DLGAP1: variants seen among roughly 807,000 people sequenced by gnomAD.
The protein encoded by DLGAP1 is DLG associated protein 1, also known as disks large-associated protein 1.
Under a neutral mutation model 90.8 loss-of-function variants are expected in DLGAP1, and 11 were observed. The observed-to-expected ratio is 0.12, with a 90% CI of 0.08 to 0.20. The LOEUF is 0.20. Among genes scored for constraint, DLGAP1 ranks in the 10% least tolerant of loss-of-function variants. DLGAP1 has a pLI of 1.00. For synonymous variants in DLGAP1, 558 were observed against 540.7 expected (o/e 1.03, Z -0.44); for missense variants, 1,050 against 1,333.8 (o/e 0.79, Z 3.31).
intron 1 of DLGAP1, among the ~76,000 whole-genome samples, chr18:4,163,218 C>T (rs184131326): frequency 3.3e-5 from 5 of 152,310 alleles, no homozygotes; most frequent in Admixed American, 3.3e-4. Context: ...TACATATACC[C>T]ACTCTTCAGT....
intron 4 of DLGAP1, among the ~76,000 whole-genome samples, chr18:3,859,980 T>C (rs536441948): frequency 1.3e-5 from 2 of 152,054 alleles, no homozygotes; most frequent in East Asian, 3.9e-4. Context: ...GCATCTGTAG[T>C]CCCAGCTACT....
intron 2 of DLGAP1, among the ~76,000 whole-genome samples, chr18:4,056,857 AC>A (rs2075224548): frequency 6.6e-6 from 1 of 152,178 alleles, no homozygotes; most frequent in Non-Finnish European, 1.5e-5. Context: ...TGAATCTAAG[AC>A]CAATGCACTT....
intron 1 of DLGAP1, among the ~76,000 whole-genome samples, chr18:4,351,378 T>C (rs947222119): frequency 5.9e-5 from 9 of 152,186 alleles, no homozygotes; most frequent in Admixed American, 1.3e-4. Flanking sequence ...TTTATAAAAA[T>C]AGCTATACTT....
At chr18:3,637,740 C>T (rs1037736714) in intron 7 of DLGAP1, among the ~76,000 whole-genome samples, 3 of 151,710 alleles carry the variant, frequency 2.0e-5, no homozygotes, top group Non-Finnish European at 4.4e-5. Context: ...AAGTGAGATA[C>T]TGTCTCAAAA....
intron 7 of DLGAP1, among the ~76,000 whole-genome samples, chr18:3,712,740 A>C (rs554368754): frequency 1.3e-3 from 195 of 152,322 alleles, no homozygotes; most frequent in Middle Eastern, 3.4e-3. Flanking sequence ...CCCACAGTGC[A>C]TATGGGAAAA....
At chr18:3,841,017 T>C (rs1446798479) in intron 4 of DLGAP1, among the ~76,000 whole-genome samples, 1 of 152,230 alleles carries the variant, frequency 6.6e-6, no homozygotes, top group Non-Finnish European at 1.5e-5. Context: ...GTCTCTTCTC[T>C]AGCTGTACTT....
intron 5 of DLGAP1, among the ~76,000 whole-genome samples, chr18:3,746,838 A>T (rs1282910098): frequency 6.6e-6 from 1 of 152,232 alleles, no homozygotes; most frequent in African/African-American, 2.4e-5. Flanking sequence ...TATTCCCTAT[A>T]TTCTAAGTGT....
intron 2 of DLGAP1, among the ~76,000 whole-genome samples, chr18:4,082,252 G>A (rs1056189814): frequency 6.8e-6 from 1 of 147,660 alleles, no homozygotes; most frequent in African/African-American, 2.5e-5. Context: ...TGAGGCAGGA[G>A]AATTCCTTGA....
Position 4,029,563 on chromosome 18 carries a change from C to T in DLGAP1, c.-158-24362G>A, listed in dbSNP as rs1266315765. Among the ~76,000 whole-genome samples, 3 of 152,148 alleles carry T rather than the reference C, an allele frequency of 2.0e-5. No individual in the cohort carries two copies. In the East Asian group the frequency reaches 5.8e-4, roughly 29 times the overall value. On this transcript the variant is annotated intron_variant, in intron 2 of 12. Coordinates refer to ENST00000315677, the MANE Select transcript of DLGAP1 (RefSeq NM_004746.4). ...AAGAAACTCTGAAATGATTCCATTT[C>T]CCAGGCCTATCCTTGTATTTTATAC...
Position 3,499,508 on chromosome 18 carries a change from C to G in DLGAP1, c.2725-114G>C. On this transcript the variant is annotated intron_variant, in intron 12 of 12. Coordinates refer to ENST00000315677, the MANE Select transcript of DLGAP1 (RefSeq NM_004746.4). The surrounding 1 kb of genome is among the most constrained non-coding windows in gnomAD (Gnocchi z 6.4). ...GTTTTTTACCTAGGGGTGGTTAGTT[C>G]TGATCTGCACACTGCATATCTACTT... 1.9e-6 allele frequency: 2 copies of G among 1,026,010 alleles called. No individual in the cohort carries two copies. The highest frequency in any genetic ancestry group is 2.8e-6 in the Non-Finnish European group (2 of 707,720). The allele number at this position is 1,026,010 out of a possible 1,614,324, so 63.6% of individuals were successfully genotyped here. A position where few individuals can be genotyped will look rare whatever the true frequency, so the allele number is the denominator to read the frequency against.
At chr18:3,741,535 A>T (rs1003273146) in intron 6 of DLGAP1, among the ~76,000 whole-genome samples, 1 of 150,778 alleles carries the variant, frequency 6.6e-6, no homozygotes, top group Non-Finnish European at 1.5e-5. Flanking sequence ...TACCAACACC[A>T]TCACCAACAT....
At chr18:4,351,582 G>A (rs2081403575) in intron 1 of DLGAP1, among the ~76,000 whole-genome samples, 1 of 152,004 alleles carries the variant, frequency 6.6e-6, no homozygotes, top group South Asian at 2.1e-4. Context: ...TGAATCCATG[G>A]CACGTGAAAA....
Position 4,315,288 on chromosome 18 carries a change from T to A in DLGAP1, c.-267+139718A>T, listed in dbSNP as rs564034417. On this transcript the variant is annotated intron_variant, in intron 1 of 12. Coordinates refer to ENST00000315677, the MANE Select transcript of DLGAP1 (RefSeq NM_004746.4). ...TATGGCAGGTAGGATGTAAATTGAT[T>A]ATTATTGTTATTACTATCTATACAC... is the stretch of plus-strand genomic sequence containing the variant. Among the ~76,000 whole-genome samples, 11 of 152,306 alleles carry A rather than the reference T, an allele frequency of 7.2e-5. No individual in the cohort carries two copies. In the East Asian group the frequency reaches 2.1e-3, roughly 29 times the overall value.
At chr18:3,808,434 T>A (rs1206985031) in intron 5 of DLGAP1, among the ~76,000 whole-genome samples, 2 of 152,206 alleles carry the variant, frequency 1.3e-5, no homozygotes, top group Non-Finnish European at 2.9e-5. Context: ...ATATCACTGA[T>A]CACTGAGGAC....
At chr18:3,850,800 T>G (rs890596553) in intron 4 of DLGAP1, among the ~76,000 whole-genome samples, 1 of 152,220 alleles carries the variant, frequency 6.6e-6, no homozygotes, top group African/African-American at 2.4e-5. Flanking sequence ...AAGCTGACTG[T>G]GCTTTATTTT....
At chr18:4,045,612 A>C (rs1568367435) in intron 2 of DLGAP1, among the ~76,000 whole-genome samples, 1 of 151,620 alleles carries the variant, frequency 6.6e-6, no homozygotes, top group African/African-American at 2.4e-5. Flanking sequence ...CAAACAAACA[A>C]ACAAACAAAA....
chr18:3,698,135 A>G (rs1014913732), intron 7 of DLGAP1, among the ~76,000 whole-genome samples: 1 of 152,072 alleles, frequency 6.6e-6, no homozygotes, highest in African/African-American at 2.4e-5. Context: ...TTGACTCTTT[A>G]TCCAATTTGC....
chr18:4,137,365 A>G (rs1607965), intron 2 of DLGAP1, among the ~76,000 whole-genome samples: 21,523 of 152,186 alleles, frequency 0.14, 1,885 homozygotes, highest in Middle Eastern at 0.24. Flanking sequence ...TCCCAGCACC[A>G]TTTATTGAAG....
chr18:3,781,338 G>A (rs1485788662), intron 5 of DLGAP1, among the ~76,000 whole-genome samples: 1 of 150,318 alleles, frequency 6.7e-6, no homozygotes, highest in Non-Finnish European at 1.5e-5. Flanking sequence ...GACAGAAATT[G>A]TAGCAGCTTT....
Sources: gnomAD v4.1 joint callset for allele counts (sites outside exome capture counted in the v4.1 genomes callset) on GRCh38, gnomAD v4.1.1 for gene constraint, Gnocchi (gnomAD v3.1) non-coding constraint, MANE v1.5 for transcripts, NCBI Gene and HGNC (gene_info 2026-07-23, HGNC 2026-07-21) for gene names.